The following CEP162 variants were observed in gnomAD, a reference collection of about 807,000 sequenced individuals.
CEP162 encodes centrosomal protein 162, also known as centrosomal protein of 162 kDa.
CEP162 carries 141 observed loss-of-function variants against 169.2 expected under a neutral mutation model. That is an observed-to-expected ratio of 0.83 (90% CI 0.73 to 0.96). The LOEUF (loss-of-function observed/expected upper bound fraction) is 0.96, where lower values mean the gene tolerates loss of function less well. Among genes scored for constraint, CEP162 ranks in the 40% least tolerant of loss-of-function variants. CEP162 has a pLI of 0.00. For missense variants in CEP162, 1,600 were observed against 1,587.2 expected (o/e 1.01, Z -0.14); for synonymous variants, 540 against 526.4 (o/e 1.03, Z -0.35).
At chr6:84,126,951 A>C (rs1288299722) in intron 25 of CEP162, among the ~76,000 whole-genome samples, 5 of 152,204 alleles carry the variant, frequency 3.3e-5, no homozygotes, top group African/African-American at 1.2e-4. Flanking sequence ...CTATAATTCT[A>C]TTTGTAATTC....
In CEP162 at chr6:84,159,009, T is replaced by G. The variant is rs529105127; in HGVS notation, c.2781+1803A>C. Among the ~76,000 whole-genome samples, 6 of 151,656 alleles carry G rather than the reference T, an allele frequency of 4.0e-5. No individual in the cohort carries two copies. The South Asian group carries it at 1.2e-3, about 32-fold the overall frequency. On this transcript the variant is annotated intron_variant, in intron 21 of 26. Coordinates refer to ENST00000403245, the MANE Select transcript of CEP162 (RefSeq NM_014895.4). Reference sequence around the variant, plus strand: ...ACACAATCTAAAATTTTCATTACAATATGCATCTAATTAGCCCCATTTTTA... The same window carrying G: ...ACACAATCTAAAATTTTCATTACAAGATGCATCTAATTAGCCCCATTTTTA...
At chr6:84,152,481 G>C (rs748217597) in intron 23 of CEP162, 64 bp downstream of exon 23, 4 of 861,060 alleles carry the variant, frequency 4.6e-6, no homozygotes, top group Non-Finnish European at 6.7e-6. Flanking sequence ...GAAATATATC[G>C]TATAATTTTT....
chr6:84,208,072 A>G (rs990120070), intron 6 of CEP162, among the ~76,000 whole-genome samples: 1 of 140,282 alleles, frequency 7.1e-6, no homozygotes, highest in Non-Finnish European at 1.5e-5. Context: ...AGTCTTAACT[A>G]GTACTTATGA....
chr6:84,148,605 T>G (rs1248443373), intron 24 of CEP162, among the ~76,000 whole-genome samples: 1 of 152,174 alleles, frequency 6.6e-6, no homozygotes, highest in East Asian at 1.9e-4. Context: ...AGAAAATTTA[T>G]AGTAATTTCT....
intron 25 of CEP162, among the ~76,000 whole-genome samples, chr6:84,140,241 G>A (rs985184200): frequency 5.3e-4 from 80 of 152,108 alleles, no homozygotes; most frequent in Non-Finnish European, 7.3e-5. Flanking sequence ...TCCATTAGGA[G>A]CCTTTGGCGT....
At chr6:84,182,372 CA>C (rs141900600) in intron 13 of CEP162, among the ~76,000 whole-genome samples, 4 of 150,654 alleles carry the variant, frequency 2.7e-5, no homozygotes, top group Admixed American at 6.6e-5. Flanking sequence ...CCTTTCATGG[CA>C]AAAAAAATAC....
At chr6:84,130,758 A>G (rs2099511016) in intron 25 of CEP162, among the ~76,000 whole-genome samples, 2 of 151,276 alleles carry the variant, frequency 1.3e-5, no homozygotes, top group African/African-American at 4.9e-5. Flanking sequence ...TCTCTTCTTT[A>G]TTAATTTGGC....
At chr6:84,160,262 A>T (rs1312782441) in intron 21 of CEP162, among the ~76,000 whole-genome samples, 1 of 152,212 alleles carries the variant, frequency 6.6e-6, no homozygotes, top group Non-Finnish European at 1.5e-5. Context: ...ATACTTAAAT[A>T]AAAAAATCTT....
intron 2 of CEP162, among the ~76,000 whole-genome samples, chr6:84,224,473 G>A (rs577255766): frequency 2.2e-4 from 34 of 152,112 alleles, no homozygotes; most frequent in Non-Finnish European, 4.1e-4. Flanking sequence ...TGTGGTGATG[G>A]TTACATAACT....
chr6:84,227,244 C>T (rs1334158612), intron 1 of CEP162, among the ~76,000 whole-genome samples: 1 of 152,114 alleles, frequency 6.6e-6, no homozygotes, highest in African/African-American at 2.4e-5. Flanking sequence ...GGGAAGAGGG[C>T]TTGCAGACCC....
intron 1 of CEP162, among the ~76,000 whole-genome samples, chr6:84,226,709 A>G (rs1189100602): frequency 6.6e-6 from 1 of 152,238 alleles, no homozygotes; most frequent in African/African-American, 2.4e-5. Flanking sequence ...GGTCTCTACA[A>G]TATTTCCCAA....
At chr6:84,164,447 C>A (rs2099526987) in intron 18 of CEP162, among the ~76,000 whole-genome samples, 1 of 152,290 alleles carries the variant, frequency 6.6e-6, no homozygotes, top group Non-Finnish European at 1.5e-5. Flanking sequence ...TTGGAACCAA[C>A]CCAAATGCCC....
At chr6:84,220,095 C>T (rs186935642) in intron 3 of CEP162, among the ~76,000 whole-genome samples, 16 of 151,968 alleles carry the variant, frequency 1.1e-4, no homozygotes, top group African/African-American at 3.6e-4. Context: ...CTACAGTACA[C>T]GAGAAGGCAG....
chr6:84,203,314 T>C (rs1464191295), intron 7 of CEP162, among the ~76,000 whole-genome samples: 9 of 152,252 alleles, frequency 5.9e-5, no homozygotes, highest in Non-Finnish European at 1.2e-4. Flanking sequence ...ACATTTACTA[T>C]ACTTCATAAA....
At chr6:84,154,375 T>TCTAC (rs567968934) in intron 22 of CEP162, among the ~76,000 whole-genome samples, 4 of 137,612 alleles carry the variant, frequency 2.9e-5, no homozygotes, top group Non-Finnish European at 6.6e-5. Context: ...TATCTATCTA[T>TCTAC]CTACCTATCT....
rs1370285248 is a variant in CEP162 at position 84,185,252 on chromosome 6, G to A, written c.1598C>T (p.Ser533Leu). Residue 533 changes from serine (S) to leucine (L), a missense_variant, in exon 13 of 27, where the codon TCA becomes TTA. Physicochemically the swap from Ser to Leu is moderately radical, Grantham distance 145. Coordinates refer to ENST00000403245, the MANE Select transcript of CEP162 (RefSeq NM_014895.4). ...KMFSTLEKKTSEDIIKSKNLR... is the reference protein window; with the variant it reads ...KMFSTLEKKTLEDIIKSKNLR... Reference sequence around the variant, plus strand: ...GTTTTTGCTTTTTATAATGTCCTCTGAAGTTTTCTTTTCAAGAGTAGAAAA... The same window carrying A: ...GTTTTTGCTTTTTATAATGTCCTCTAAAGTTTTCTTTTCAAGAGTAGAAAA... 2.5e-6 allele frequency: 4 copies of A among 1,613,532 alleles called. No homozygotes were observed. The highest frequency in any genetic ancestry group is 2.5e-6 in the Non-Finnish European group (3 of 1,179,554).
At chr6:84,172,397 C>T (rs1285531899) in intron 16 of CEP162, among the ~76,000 whole-genome samples, 2 of 152,110 alleles carry the variant, frequency 1.3e-5, no homozygotes, top group Non-Finnish European at 2.9e-5. Context: ...GGCTTATGAA[C>T]CTGTTTAAAA....
intron 5 of CEP162, among the ~76,000 whole-genome samples, chr6:84,214,362 C>CT (rs2099550729): frequency 6.6e-6 from 1 of 152,208 alleles, no homozygotes; most frequent in South Asian, 2.1e-4. Context: ...ATTATGGATC[C>CT]TTTGACTTGC....
At chr6:84,157,545 C>T (rs2099523718) in intron 21 of CEP162, among the ~76,000 whole-genome samples, 1 of 151,990 alleles carries the variant, frequency 6.6e-6, no homozygotes, top group East Asian at 1.9e-4. Flanking sequence ...TGTGGTGGTA[C>T]ACACCTGTGG....
Sources: gnomAD v4.1 joint callset for allele counts (sites outside exome capture counted in the v4.1 genomes callset) on GRCh38, gnomAD v4.1.1 for gene constraint, MANE v1.5 for transcripts, NCBI Gene and HGNC (gene_info 2026-07-23, HGNC 2026-07-21) for gene names.